AEBP2: variants seen among roughly 807,000 people sequenced by gnomAD.
AEBP2 encodes the protein AE binding protein 2, also known as zinc finger protein AEBP2.
Under a neutral mutation model 50.8 loss-of-function variants are expected in AEBP2, and 10 were observed. The observed-to-expected ratio is 0.20, with a 90% confidence interval of 0.12 to 0.33. The LOEUF is 0.33. AEBP2 is among the 10% of genes least tolerant of loss of function. AEBP2 has a pLI of 1.00. For synonymous variants in AEBP2, 296 were observed against 261.3 expected (o/e 1.13, Z -1.28); for missense variants, 570 against 688.0 (o/e 0.83, Z 1.92).
At chr12:19,481,481 T>C (rs541785995) in intron 3 of AEBP2, among the ~76,000 whole-genome samples, 34 of 151,850 alleles carry the variant, frequency 2.2e-4, no homozygotes, top group African/African-American at 7.2e-4. Context: ...CTTTTCTTTT[T>C]TTTTTTGTGA....
chr12:19,479,745 T>A (rs1467324396), intron 3 of AEBP2, among the ~76,000 whole-genome samples: 3 of 127,602 alleles, frequency 2.4e-5, no homozygotes, highest in East Asian at 2.5e-4. Flanking sequence ...TTTTTTTTTT[T>A]TTTACTATTG....
intron 2 of AEBP2, 40 bp downstream of exon 2, chr12:19,462,757 T>A: frequency 6.5e-7 from 1 of 1,533,892 alleles, no homozygotes; most frequent in South Asian, 1.2e-5. Context: ...CCTGTTTTCG[T>A]TAGTTTTATT....
chr12:19,416,716 T>G (rs11044548), intron 1 of AEBP2, among the ~76,000 whole-genome samples: 8 of 146,492 alleles, frequency 5.5e-5, no homozygotes, highest in Non-Finnish European at 9.0e-5. Context: ...CTCCGCTTCC[T>G]GGGTTCAAGC....
intron 3 of AEBP2, among the ~76,000 whole-genome samples, chr12:19,475,685 A>G (rs1362555296): frequency 1.3e-5 from 2 of 152,056 alleles, no homozygotes; most frequent in African/African-American, 4.8e-5. Flanking sequence ...GGTTTTCTAT[A>G]GTGGTTGTAT....
chr12:19,447,067 CAT>C (rs1491129991), intron 1 of AEBP2, among the ~76,000 whole-genome samples: 5 of 152,190 alleles, frequency 3.3e-5, no homozygotes, highest in Admixed American at 6.5e-5. Context: ...TAACTGAAAA[CAT>C]GTAGGCAGGA....
At chr12:19,443,440 C>G (rs929351787) in intron 1 of AEBP2, among the ~76,000 whole-genome samples, 1 of 150,306 alleles carries the variant, frequency 6.7e-6, no homozygotes, top group Non-Finnish European at 1.5e-5. Context: ...ATAATTAGGC[C>G]GGGCATGGTG....
intron 4 of AEBP2, among the ~76,000 whole-genome samples, chr12:19,497,586 C>T (rs546820333): frequency 2.6e-5 from 4 of 152,162 alleles, no homozygotes; most frequent in African/African-American, 4.8e-5. Context: ...AATTCCCGTG[C>T]GTCAGCTTCT....
intron 2 of AEBP2, among the ~76,000 whole-genome samples, chr12:19,468,986 G>A (rs1232007247): frequency 4.6e-5 from 7 of 152,138 alleles, no homozygotes; most frequent in African/African-American, 4.8e-5. Flanking sequence ...GTGTAGTGGC[G>A]CCATCTCAGC....
intron 4 of AEBP2, among the ~76,000 whole-genome samples, chr12:19,494,452 A>C (rs1339795455): frequency 6.6e-6 from 1 of 151,972 alleles, no homozygotes; most frequent in East Asian, 1.9e-4. Context: ...CCAACAACAA[A>C]AAAAACCACC....
At chr12:19,437,999 T>C (rs779048504), upstream of AEBP2, among the ~76,000 whole-genome samples, 1 of 152,188 alleles carries the variant, frequency 6.6e-6, no homozygotes, top group South Asian at 2.1e-4. Context: ...TGTCCTTGGG[T>C]CAGGGTGTAA....
chr12:19,509,117 G>A (rs1236179333), intron 5 of AEBP2: 7 of 536,070 alleles, frequency 1.3e-5, no homozygotes, highest in Non-Finnish European at 2.4e-5. Flanking sequence ...CCAAAGCAAA[G>A]AACATGTCAG....
chr12:19,451,963 T>G (rs2638412), intron 1 of AEBP2, among the ~76,000 whole-genome samples: 1 of 152,294 alleles, frequency 6.6e-6, no homozygotes, highest in South Asian at 2.1e-4. Context: ...ACAATCTTGC[T>G]TCACTGCACC....
chr12:19,481,091 CCTTTTTT>C, intron 3 of AEBP2, among the ~76,000 whole-genome samples: 1 of 104,812 alleles, frequency 9.5e-6, no homozygotes, highest in African/African-American at 3.5e-5. Flanking sequence ...TGCAGTGCAT[CCTTTTTT>C]TTTTTTTTTT....
chr12:19,480,974 T>C (rs1218043315), intron 3 of AEBP2, among the ~76,000 whole-genome samples: 2 of 152,140 alleles, frequency 1.3e-5, no homozygotes, highest in African/African-American at 2.4e-5. Flanking sequence ...GTGGAGACTT[T>C]GTTAATTTTT....
intron 1 of AEBP2, among the ~76,000 whole-genome samples, chr12:19,442,705 C>A (rs1655661891): frequency 6.6e-6 from 1 of 152,144 alleles, no homozygotes; most frequent in African/African-American, 2.4e-5. Flanking sequence ...GTCACCATTT[C>A]AGGGTAATAG....
intron 1 of AEBP2, among the ~76,000 whole-genome samples, chr12:19,427,585 G>T (rs2095749214): frequency 6.6e-6 from 1 of 150,820 alleles, no homozygotes; most frequent in African/African-American, 2.4e-5. Context: ...TAGGTTGCTG[G>T]ACTTCTATGA....
At position 19,512,429 on chromosome 12, in the gene AEBP2, A is replaced by G; in HGVS notation, c.1331A>G (p.Lys444Arg). Residue 444 changes from lysine to arginine, a missense_variant, in exon 6 of 8, where the codon AAG becomes AGG. Physicochemically the swap from Lys to Arg is conservative, Grantham distance 26 (BLOSUM62 2). This residue lies in a region of AEBP2 where 184 missense variants were observed against 351.2 expected (regional missense o/e 0.52). Coordinates refer to ENST00000266508, the MANE Select transcript of AEBP2 (RefSeq NM_153207.5). ...GCTAAGAGAAAAGAAGATTCTGGGAAGATCAAACTTTTGCTTCATTGGATG... is the reference window on the plus strand; with the variant it reads ...GCTAAGAGAAAAGAAGATTCTGGGAGGATCAAACTTTTGCTTCATTGGATG... ...VIAKRKEDSG[K>R]IKLLLHWMPE... 2 of 1,580,124 alleles carry G rather than the reference A, an allele frequency of 1.3e-6. No individual in the cohort carries two copies. Among genetic ancestry groups the G allele is most frequent in the Non-Finnish European group, 1.7e-6 (2 of 1,161,126 alleles).
At chr12:19,491,666 A>G (rs558598396) in intron 3 of AEBP2, among the ~76,000 whole-genome samples, 2 of 152,242 alleles carry the variant, frequency 1.3e-5, no homozygotes, top group African/African-American at 2.4e-5. Flanking sequence ...TATATTTTGT[A>G]TGTCAAAATA....
chr12:19,443,495 G>T (rs1197120182), intron 1 of AEBP2, among the ~76,000 whole-genome samples: 2 of 150,164 alleles, frequency 1.3e-5, no homozygotes, highest in African/African-American at 4.9e-5. Context: ...GAGTCGGGTG[G>T]ATCATTTGAG....
Sources: gnomAD v4.1 joint callset for allele counts (sites outside exome capture counted in the v4.1 genomes callset) on GRCh38, gnomAD v4.1.1 for gene constraint, gnomAD v4.1.1 regional missense constraint, MANE v1.5 for transcripts, NCBI Gene and HGNC (gene_info 2026-07-23, HGNC 2026-07-21) for gene names.